The following USP42 variants were observed in gnomAD, a reference collection of about 807,000 sequenced individuals.
USP42 encodes ubiquitin carboxyl-terminal hydrolase 42.
A neutral mutation model predicts 113.0 loss-of-function variants in USP42; 23 were observed. That is an observed-to-expected ratio of 0.20 (90% CI 0.15 to 0.29). The LOEUF (loss-of-function observed/expected upper bound fraction) is 0.29, where lower values mean the gene tolerates loss of function less well. Ranked by LOEUF, USP42 falls within the 10% of genes least tolerant of loss-of-function variation. The probability of loss-of-function intolerance (pLI) is 1.00; values close to 1 mark genes in which losing one functional copy is unlikely to be tolerated. For missense variants in USP42, 2,174 were observed against 1,779.8 expected (o/e 1.22, Z -3.99); for synonymous variants, 933 against 699.0 (o/e 1.33, Z -5.28).
chr7:6,159,505 T>C lies in USP42; in HGVS notation c.*36+12T>C, dbSNP rs764093779. The C allele has an allele frequency of 2.5e-6, 4 of 1,612,326 alleles. No homozygotes were observed. In the African/African-American group the frequency reaches 5.3e-5, roughly 22 times the overall value. On this transcript the variant is annotated intron_variant, in intron 17 of 17. Coordinates refer to ENST00000306177, the MANE Select transcript of USP42 (RefSeq NM_032172.3). This position sits in a 1 kb window ranked among gnomAD's most constrained non-coding sequence, Gnocchi z 4.1. Reference sequence around the variant, plus strand: ...ATTCACTAGTTATGGTAAGCTGTTTTCCTGTCTGTTTCCTCATTGTTTGTG... The same window carrying C: ...ATTCACTAGTTATGGTAAGCTGTTTCCCTGTCTGTTTCCTCATTGTTTGTG...
intron 14 of USP42, among the ~76,000 whole-genome samples, chr7:6,153,182 A>G (rs1301673370): frequency 6.6e-6 from 1 of 152,094 alleles, no homozygotes; most frequent in African/African-American, 2.4e-5. Context: ...CTGGGTCAGG[A>G]GAATCGCTTG....
chr7:6,098,805 C>CA, the USP42 span, among the ~76,000 whole-genome samples: 9 of 150,358 alleles, frequency 6.0e-5, 1 homozygote, highest in Admixed American at 6.0e-4. Flanking sequence ...CTCGGCCTCT[C>CA]AGAGTGCTGG....
intron 1 of USP42, among the ~76,000 whole-genome samples, chr7:6,110,126 G>A (rs965977971): frequency 2.6e-5 from 4 of 152,134 alleles, no homozygotes; most frequent in African/African-American, 7.2e-5. Context: ...GAGCCACCGC[G>A]CCCGGCCTCC....
rs1782755747 is a variant in USP42 at position 6,161,169 on chromosome 7, A to G, written c.*651A>G. 6.6e-6 allele frequency: 1 copy of G among 152,662 alleles called. No individual in the cohort carries two copies. The highest frequency in any genetic ancestry group is 2.1e-4 in the South Asian group (1 of 4,834). The allele number at this position is 152,662 out of a possible 1,614,324, so 9.5% of individuals were successfully genotyped here. On this transcript the variant is annotated 3_prime_UTR_variant, in exon 18 of 18. Coordinates refer to ENST00000306177, the MANE Select transcript of USP42 (RefSeq NM_032172.3). ...TTTACATTATGAATGTATAACCCAG[A>G]CATGATTTGTAAAGCCGACAGTATG...
the USP42 span, among the ~76,000 whole-genome samples, chr7:6,097,356 A>G: frequency 6.9e-6 from 1 of 143,974 alleles, no homozygotes; most frequent in Non-Finnish European, 1.5e-5. Context: ...CATGGAATTC[A>G]TGGCATCTAA....
Position 6,149,544 on chromosome 7 carries a change from T to A in USP42, c.1387-39T>A, listed in dbSNP as rs1431421972. The A allele has an allele frequency of 2.6e-6, 4 of 1,568,008 alleles. No individual in the cohort carries two copies. The African/African-American group carries it at 5.5e-5, about 21-fold the overall frequency. ...ATGGGTTCTGTTTGTGTGACCATGT[T>A]TCTGGAGCTCTGACCAGGTGCGCTC... On this transcript the variant is annotated intron_variant, in intron 12 of 17. Transcript: ENST00000306177.
intron 15 of USP42, 77 bp from the exon 16 acceptor site, chr7:6,156,677 G>A (rs1288951720): frequency 6.9e-6 from 10 of 1,455,146 alleles, no homozygotes; most frequent in Middle Eastern, 1.8e-4. Flanking sequence ...GTGAATGGGT[G>A]GAAAGGCCAA....
chr7:6,156,005 C>A (rs1782428154), intron 15 of USP42, among the ~76,000 whole-genome samples: 2 of 152,186 alleles, frequency 1.3e-5, no homozygotes, highest in Non-Finnish European at 2.9e-5. Flanking sequence ...GATCCCAAAG[C>A]ACTGGGATCA....
chr7:6,116,978 C>G (rs970039574), intron 3 of USP42: 1 of 441,712 alleles, frequency 2.3e-6, no homozygotes. Context: ...TTTGTGCTTG[C>G]TTCCTCCCTC....
chr7:6,116,938 A>G, intron 3 of USP42: 1 of 495,750 alleles, frequency 2.0e-6, no homozygotes, highest in Non-Finnish European at 4.1e-6. Context: ...GTCCAGAATT[A>G]GGTGCCTATC....
At chr7:6,081,471 C>T in the USP42 span, among the ~76,000 whole-genome samples, 9 of 152,314 alleles carry the variant, frequency 5.9e-5, no homozygotes, top group South Asian at 2.1e-4. Context: ...TCGCGCCTCG[C>T]TCCTTGCCCA....
intron 11 of USP42, among the ~76,000 whole-genome samples, chr7:6,146,893 G>C (rs1781746576): frequency 6.6e-6 from 1 of 152,240 alleles, no homozygotes; most frequent in Non-Finnish European, 1.5e-5. Flanking sequence ...GGACCTCTGA[G>C]CACCTGGCGT....
the USP42 span, among the ~76,000 whole-genome samples, chr7:6,093,561 GC>G: frequency 2.0e-5 from 3 of 150,630 alleles, no homozygotes; most frequent in Non-Finnish European, 4.4e-5. Flanking sequence ...GGGATTACAG[GC>G]ATGTGCCTCT....
chr7:6,105,109 C>G (rs1346001196), intron 1 of USP42, 77 bp downstream of exon 1: 1 of 147,262 alleles, frequency 6.8e-6, no homozygotes, highest in Non-Finnish European at 1.5e-5. Flanking sequence ...TGGGCCGCCG[C>G]TGGCTCGGCC....
chr7:6,148,253 C>G (rs1420910822), intron 12 of USP42, among the ~76,000 whole-genome samples: 1 of 152,122 alleles, frequency 6.6e-6, no homozygotes, highest in East Asian at 1.9e-4. Context: ...AGGAGGATCA[C>G]TTGAGCCCAG....
At chr7:6,125,320 C>T (rs557335759) in intron 3 of USP42, among the ~76,000 whole-genome samples, 2 of 151,858 alleles carry the variant, frequency 1.3e-5, no homozygotes, top group Non-Finnish European at 1.5e-5. Flanking sequence ...GAAACTTTGT[C>T]TCTACTAAAA....
chr7:6,121,804 G>GTGC (rs1187905621), intron 3 of USP42, among the ~76,000 whole-genome samples: 4 of 152,100 alleles, frequency 2.6e-5, no homozygotes, highest in Non-Finnish European at 5.9e-5. Context: ...AGCTAGAGGT[G>GTGC]TGCATCACCA....
intron 2 of USP42, among the ~76,000 whole-genome samples, chr7:6,114,656 G>GTGTATA (rs1187768774): frequency 1.1e-3 from 64 of 60,586 alleles, no homozygotes; most frequent in African/African-American, 4.7e-3. Context: ...ATGTGTGTGT[G>GTGTATA]TATATATATA....
In USP42 at chr7:6,155,170, G is replaced by A. The variant is rs1329778092; in HGVS notation, c.3616G>A (p.Asp1206Asn). 1 of 1,538,772 alleles carries A rather than the reference G, an allele frequency of 6.5e-7. No homozygotes were observed. Among genetic ancestry groups the A allele is most frequent in the South Asian group, 1.2e-5 (1 of 83,694 alleles). ...ATCAAAGAAGAAAAAGAAATCCAAA[G>A]ACAAACACCGAGACCGCGACTCCAG... ...KKSKKKKKSK[D>N]KHRDRDSRHQ... Residue 1206 changes from aspartate to asparagine, a missense_variant, in exon 15 of 18, where the codon GAC becomes AAC. By Grantham distance (23) the Asp-to-Asn change is conservative (BLOSUM62 1). Transcript: ENST00000306177.
Sources: allele counts gnomAD v4.1 joint callset (sites outside exome capture counted in the v4.1 genomes callset), GRCh38; gene constraint gnomAD v4.1.1; non-coding constraint Gnocchi (gnomAD v3.1); transcripts MANE v1.5; gene names NCBI Gene and HGNC (gene_info 2026-07-23, HGNC 2026-07-21).